KIF26B: variants seen among roughly 807,000 people sequenced by gnomAD.
The protein encoded by KIF26B is kinesin family member 26B, also known as kinesin-like protein KIF26B.
KIF26B carries 63 observed loss-of-function variants against 151.2 expected under a neutral mutation model. The observed-to-expected ratio is 0.42, with a 90% CI of 0.34 to 0.51. The LOEUF (loss-of-function observed/expected upper bound fraction) is 0.51, where lower values mean the gene tolerates loss of function less well. Among genes scored for constraint, KIF26B ranks in the 20% least tolerant of loss-of-function variants. KIF26B has a pLI of 0.07. For synonymous variants in KIF26B, 1,357 were observed against 1,262.1 expected (o/e 1.08, Z -1.59); for missense variants, 2,813 against 2,913.6 (o/e 0.97, Z 0.79).
intron 4 of KIF26B, among the ~76,000 whole-genome samples, chr1:245,460,272 T>G (rs1378834644): frequency 6.6e-6 from 1 of 151,986 alleles, no homozygotes; most frequent in Admixed American, 6.6e-5. Flanking sequence ...GGCCCAGAGG[T>G]TTGTTTTTTT....
At chr1:245,164,072 A>G (rs1668575676) in intron 2 of KIF26B, among the ~76,000 whole-genome samples, 1 of 152,294 alleles carries the variant, frequency 6.6e-6, no homozygotes, top group Non-Finnish European at 1.5e-5. Flanking sequence ...TTCTATTAAG[A>G]TGTTGGCTTT....
rs369158085 is a variant in KIF26B, at chr1:245,563,595, C to T, written c.1350+22645C>T. On this transcript the variant is annotated intron_variant, in intron 5 of 14. Transcript: ENST00000407071. This position sits in a 1 kb window ranked among gnomAD's most constrained non-coding sequence, Gnocchi z 4.6. ...ACAGATTCCGGAGGCCTTCAACTCC[C>T]ACCTATGAAGCAGCCAGTGGCCTCG... is the stretch of plus-strand genomic sequence containing the variant. Among the ~76,000 whole-genome samples, 27 of 152,300 alleles carry T rather than the reference C, an allele frequency of 1.8e-4. No homozygotes were observed. Among genetic ancestry groups the T allele is most frequent in the African/African-American group, 6.5e-4 (27 of 41,550 alleles).
intron 2 of KIF26B, among the ~76,000 whole-genome samples, chr1:245,319,040 G>A (rs192902936): frequency 1.6e-4 from 24 of 152,294 alleles, no homozygotes; most frequent in African/African-American, 5.8e-4. Flanking sequence ...GTTTGATGGA[G>A]TCAACCTGCC....
At chr1:245,557,609 G>A (rs1462111538) in intron 5 of KIF26B, among the ~76,000 whole-genome samples, 9 of 152,152 alleles carry the variant, frequency 5.9e-5, no homozygotes, top group Non-Finnish European at 1.5e-5. Context: ...GCGCTTGGTG[G>A]GATGTTCCAG....
intron 12 of KIF26B, among the ~76,000 whole-genome samples, chr1:245,693,514 T>C (rs914929465): frequency 9.9e-5 from 15 of 152,264 alleles, no homozygotes; most frequent in African/African-American, 3.6e-4. Flanking sequence ...TTCCTGCTGG[T>C]GCTAAGTGCT....
At position 245,649,055 on chromosome 1, in the gene KIF26B, T is replaced by C. The variant is rs576253678; in HGVS notation, c.2258+2775T>C. Among the ~76,000 whole-genome samples, 5 of 152,310 alleles carry C rather than the reference T, an allele frequency of 3.3e-5. No homozygotes were observed. The East Asian group carries it at 9.7e-4, about 29-fold the overall frequency. On this transcript the variant is annotated intron_variant, in intron 10 of 14. Transcript: ENST00000407071. ...CTGGCCATCCAGCCAGCGCTGTCCT[T>C]CCCAAAACATCCATTGGCCAGTGCG...
rs549838559 is a variant in KIF26B at position 245,694,469 on chromosome 1, G to A, written c.5825-3637G>A. On this transcript the variant is annotated intron_variant, in intron 12 of 14. Transcript: ENST00000407071. ...GAATGGGCAGAAGCATATTCCCCAG[G>A]GGGAGCTGAGAGGGCTCAGCACTCA... 3.1e-4 allele frequency among the ~76,000 whole-genome samples: 47 copies of A among 152,332 alleles called. 2 individuals are homozygous for A. The South Asian group carries it at 9.7e-3, about 32-fold the overall frequency.
rs1208599945 is a variant in KIF26B at position 245,705,310 on chromosome 1, G to GTTAA, written c.*2707_*2710dup. The GTTAA allele has an allele frequency of 1.3e-5, 2 of 152,078 alleles. No individual in the cohort carries two copies. Among genetic ancestry groups the GTTAA allele is most frequent in the Non-Finnish European group, 2.9e-5 (2 of 68,030 alleles). 9.4% of individuals were successfully genotyped at this position (152,078 alleles called of 1,614,324 possible). On this transcript the variant is annotated 3_prime_UTR_variant, in exon 15 of 15. Coordinates refer to ENST00000407071, the MANE Select transcript of KIF26B (RefSeq NM_018012.4). ...TTTGACCTAAATAAGCTGCAAACAT[G>GTTAA]TTAATTTACCAATATTGATAAACCA...
rs113665630 is a variant in KIF26B at position 245,692,021 on chromosome 1, G to A, written c.5824+3214G>A. Among the ~76,000 whole-genome samples the A allele has an allele frequency of 2.8e-3, 427 of 152,312 alleles. 3 individuals are homozygous for A. Among genetic ancestry groups the A allele is most frequent in the African/African-American group, 9.9e-3 (412 of 41,566 alleles). On this transcript the variant is annotated intron_variant, in intron 12 of 14. Coordinates refer to ENST00000407071, the MANE Select transcript of KIF26B (RefSeq NM_018012.4). ...CAATTTTCTCATATGCAAGTAAAACGAGAAGATTGATAGGTAATAGCCATG... is the reference window on the plus strand; with the variant it reads ...CAATTTTCTCATATGCAAGTAAAACAAGAAGATTGATAGGTAATAGCCATG...
intron 3 of KIF26B, among the ~76,000 whole-genome samples, chr1:245,372,491 G>A (rs1208868753): frequency 6.6e-6 from 1 of 152,082 alleles, no homozygotes; most frequent in African/African-American, 2.4e-5. Flanking sequence ...GTACCCAAAA[G>A]GTGGTTTTCC....
intron 2 of KIF26B, among the ~76,000 whole-genome samples, chr1:245,204,795 T>G (rs942425394): frequency 1.1e-4 from 17 of 152,248 alleles, no homozygotes; most frequent in Admixed American, 9.8e-4. Flanking sequence ...TTTTTTTTCT[T>G]TAAGAGATGA....
chr1:245,166,374 C>A lies in KIF26B; in HGVS notation c.465+9691C>A, dbSNP rs1448322107. ...CATTCAGTGCGTCTTTGTTTCTTCACCTCCAAGTGGATAAAGCATCTCATT... is the reference window on the plus strand; with the variant it reads ...CATTCAGTGCGTCTTTGTTTCTTCAACTCCAAGTGGATAAAGCATCTCATT... On this transcript the variant is annotated intron_variant, in intron 2 of 14. Transcript: ENST00000407071. This position sits in a 1 kb window ranked among gnomAD's most constrained non-coding sequence, Gnocchi z 4.5. 6.6e-6 allele frequency among the ~76,000 whole-genome samples: 1 copy of A among 152,220 alleles called. No individual in the cohort carries two copies. Among genetic ancestry groups the A allele is most frequent in the African/African-American group, 2.4e-5 (1 of 41,452 alleles).
intron 2 of KIF26B, among the ~76,000 whole-genome samples, chr1:245,267,634 G>GCACACA (rs66498609): frequency 0.014 from 1,945 of 136,260 alleles, 31 homozygotes; most frequent in South Asian, 0.019. Context: ...GCTAAGTAAT[G>GCACACA]CACACACACA....
intron 2 of KIF26B, among the ~76,000 whole-genome samples, chr1:245,184,050 G>GTTTTTTGTTTTTTTTTTTT (rs1553332272): frequency 9.6e-4 from 19 of 19,810 alleles, no homozygotes; most frequent in Admixed American, 2.1e-3. Flanking sequence ...GGGAGTTGTT[G>GTTTTTTGTTTTTTTTTTTT]TTTTTTTTTT....
intron 2 of KIF26B, among the ~76,000 whole-genome samples, chr1:245,158,943 T>G (rs534549015): frequency 6.6e-6 from 1 of 152,156 alleles, no homozygotes; most frequent in Non-Finnish European, 1.5e-5. Context: ...TGCAACCTTA[T>G]AGCCAAACAG....
At chr1:245,617,157 G>A (rs760332389) in intron 9 of KIF26B, among the ~76,000 whole-genome samples, 1 of 152,086 alleles carries the variant, frequency 6.6e-6, no homozygotes, top group East Asian at 1.9e-4. Flanking sequence ...GTGCAGTGGC[G>A]CAATCTCAAC....
At chr1:245,405,625 T>G (rs1558153037) in intron 3 of KIF26B, among the ~76,000 whole-genome samples, 2 of 82,116 alleles carry the variant, frequency 2.4e-5, no homozygotes, top group South Asian at 2.6e-4. Flanking sequence ...ATTGATGTTG[T>G]TTTTTTTTTT....
chr1:245,364,247 G>A (rs1297549608), intron 2 of KIF26B, among the ~76,000 whole-genome samples: 2 of 152,114 alleles, frequency 1.3e-5, no homozygotes, highest in African/African-American at 4.8e-5. Flanking sequence ...TGCTTCAAGG[G>A]AGAGGAGTAA....
rs532785333 is a variant in KIF26B, at chr1:245,483,655, C to T, written c.1167-57112C>T. Among the ~76,000 whole-genome samples, 40 of 151,950 alleles carry T rather than the reference C, an allele frequency of 2.6e-4. 1 individual carries two copies. The highest frequency in any genetic ancestry group is 5.2e-4 in the Non-Finnish European group (35 of 67,866). On this transcript the variant is annotated intron_variant, in intron 4 of 14. Transcript: ENST00000407071. ...ATTCCAGTGGGCAGTTGAATGCACA[C>T]GTATGCATGAAGGGCGTGGGTAGTG...
Sources: gnomAD v4.1 joint callset for allele counts (sites outside exome capture counted in the v4.1 genomes callset) on GRCh38, gnomAD v4.1.1 for gene constraint, Gnocchi (gnomAD v3.1) non-coding constraint, MANE v1.5 for transcripts, NCBI Gene and HGNC (gene_info 2026-07-23, HGNC 2026-07-21) for gene names.